SLC11A2: variants seen among roughly 807,000 people sequenced by gnomAD.
SLC11A2 encodes the protein natural resistance-associated macrophage protein 2.
Under a neutral mutation model 68.0 loss-of-function variants are expected in SLC11A2, and 38 were observed. The ratio of observed to expected loss-of-function variants is 0.56; its 90% CI spans 0.43 to 0.73. The LOEUF (loss-of-function observed/expected upper bound fraction) is 0.73. Among genes scored for constraint, SLC11A2 ranks in the 30% least tolerant of loss-of-function variants. The probability of loss-of-function intolerance (pLI) is 0.00; values close to 1 mark genes in which losing one functional copy is unlikely to be tolerated. For missense variants in SLC11A2, 517 were observed against 690.5 expected (o/e 0.75, Z 2.82); for synonymous variants, 242 against 250.6 (o/e 0.97, Z 0.32).
downstream of SLC11A2, chr12:50,980,010 G>A (rs762876367): frequency 4.4e-6 from 2 of 450,086 alleles, no homozygotes; most frequent in South Asian, 3.1e-5. Context: ...CAGATTACTT[G>A]AGCTCATGAG....
At chr12:50,970,253 C>T in the SLC11A2 span, among the ~76,000 whole-genome samples, 1 of 152,048 alleles carries the variant, frequency 6.6e-6, no homozygotes, top group African/African-American at 2.4e-5. Flanking sequence ...TGAAAGGGCT[C>T]CTAGAGTTTT....
In SLC11A2 at chr12:50,992,256, A is replaced by G; in HGVS notation, c.1281T>C (p.Ala427=). The part of the protein sequence containing the change: ...SIAIIPTLLV[A]VFQDVEHLTG... Reference sequence around the variant, plus strand: ...TTAGATGCTCTACATCTTGGAAGACAGCAACAAGCAGAGTGGGGATGATGG... The same window carrying G: ...TTAGATGCTCTACATCTTGGAAGACGGCAACAAGCAGAGTGGGGATGATGG... The change falls in exon 13 of 16, where the codon GCT becomes GCC. Residue 427 remains alanine, a synonymous_variant. Transcript: ENST00000262052. The G allele has an allele frequency of 1.2e-6, 2 of 1,614,132 alleles. No homozygotes were observed. The highest frequency in any genetic ancestry group is 2.2e-5 in the East Asian group (1 of 44,888).
chr12:50,977,114 A>G (rs997233667), downstream of SLC11A2, among the ~76,000 whole-genome samples: 3 of 152,186 alleles, frequency 2.0e-5, no homozygotes, highest in East Asian at 1.9e-4. Flanking sequence ...CAAGCTACCA[A>G]TGACTTTCTT....
chr12:51,012,315 C>T (rs1039947208), intron 1 of SLC11A2, among the ~76,000 whole-genome samples: 5 of 151,442 alleles, frequency 3.3e-5, no homozygotes, highest in African/African-American at 1.2e-4. Context: ...AGATCTATGG[C>T]ATATTCTCCA....
chr12:50,991,522 TCTGA>T (rs1941146821), intron 14 of SLC11A2, 73 bp downstream of exon 14: 1 of 1,118,398 alleles, frequency 8.9e-7, no homozygotes, highest in South Asian at 1.3e-5. Context: ...GTGTCTCACG[TCTGA>T]CTGGCCTACT....
At chr12:50,990,004 A>G (rs706805) in intron 15 of SLC11A2, among the ~76,000 whole-genome samples, 69,006 of 152,072 alleles carry the variant, frequency 0.45, 16,983 homozygotes, top group Non-Finnish European at 0.56. Flanking sequence ...AATGCTAAAG[A>G]AGATTTGGAA....
chr12:50,957,741 C>T, the SLC11A2 span, among the ~76,000 whole-genome samples: 1 of 151,642 alleles, frequency 6.6e-6, no homozygotes, highest in Non-Finnish European at 1.5e-5. Context: ...AAAAATTAGC[C>T]AGGTGTGGTG....
intron 3 of SLC11A2, 151 bp from the exon 4 acceptor site, chr12:51,005,587 C>G: frequency 4.1e-6 from 6 of 1,478,532 alleles, no homozygotes; most frequent in Non-Finnish European, 5.4e-6. Context: ...AGTTTCACCT[C>G]CATCTTACCC....
downstream of SLC11A2, among the ~76,000 whole-genome samples, chr12:50,982,457 C>G (rs1245832802): frequency 6.6e-6 from 1 of 152,062 alleles, no homozygotes; most frequent in Non-Finnish European, 1.5e-5. Context: ...AACTCCGTCT[C>G]TACTAAAAAT....
chr12:51,012,630 G>C (rs921253736), intron 1 of SLC11A2, among the ~76,000 whole-genome samples: 2 of 152,090 alleles, frequency 1.3e-5, no homozygotes, highest in African/African-American at 4.8e-5. Context: ...TGTACTTATA[G>C]AATTACAGAA....
Position 50,994,348 on chromosome 12 carries a change from G to C in SLC11A2, c.1077+196C>G, listed in dbSNP as rs549412334. 1.2e-4 allele frequency among the ~76,000 whole-genome samples: 19 copies of C among 152,184 alleles called. No homozygotes were observed. The East Asian group carries it at 3.5e-3, about 28-fold the overall frequency. ...AGGCGTGAACCACCGCACCCGGCCT[G>C]TATTATATATCTTTTCAACTGATCC... On this transcript the variant is annotated intron_variant, in intron 11 of 15. Coordinates refer to ENST00000262052, the MANE Select transcript of SLC11A2 (RefSeq NM_000617.3).
chr12:51,028,158 G>A (rs1204577571), upstream of SLC11A2: 4 of 1,513,684 alleles, frequency 2.6e-6, no homozygotes, highest in Non-Finnish European at 3.5e-6. Context: ...CAGCTGGGCA[G>A]CTTCCCTGGG....
intron 8 of SLC11A2, among the ~76,000 whole-genome samples, chr12:50,998,755 A>G (rs1227676915): frequency 6.6e-6 from 1 of 152,228 alleles, no homozygotes; most frequent in Middle Eastern, 3.2e-3. Flanking sequence ...CATATAATTC[A>G]TTAACTGTTT....
At chr12:50,981,677 A>C, downstream of SLC11A2, 1 of 1,308,770 alleles carries the variant, frequency 7.6e-7, no homozygotes, top group South Asian at 1.3e-5. Flanking sequence ...CACCTGGCAC[A>C]AAAAGGGCTT....
the SLC11A2 span, among the ~76,000 whole-genome samples, chr12:50,959,705 T>C: frequency 1.3e-5 from 2 of 152,242 alleles, no homozygotes; most frequent in South Asian, 4.2e-4. Context: ...TGGAGTGCAG[T>C]AGCATTATCT....
At chr12:50,956,573 C>T in the SLC11A2 span, among the ~76,000 whole-genome samples, 1 of 152,248 alleles carries the variant, frequency 6.6e-6, no homozygotes, top group Middle Eastern at 3.4e-3. Context: ...CTGTTCAAAT[C>T]ATCTTACAAT....
chr12:50,984,898 A>C (rs757707192), downstream of SLC11A2, among the ~76,000 whole-genome samples: 6 of 152,174 alleles, frequency 3.9e-5, no homozygotes, highest in Non-Finnish European at 8.8e-5. Flanking sequence ...CCCAACATGA[A>C]GGGTATACTA....
At chr12:50,952,556 C>T in the SLC11A2 span, among the ~76,000 whole-genome samples, 1 of 152,172 alleles carries the variant, frequency 6.6e-6, no homozygotes, top group Non-Finnish European at 1.5e-5. Flanking sequence ...CACCGACCCA[C>T]CTCAAGAGCC....
At position 50,993,992 on chromosome 12, in the gene SLC11A2, C is replaced by CAAAAAAAAA. The variant is rs71663850; in HGVS notation, c.1077+543_1077+551dup. 9.7e-3 allele frequency among the ~76,000 whole-genome samples: 470 copies of CAAAAAAAAA among 48,402 alleles called. 26 individuals carry two copies. Among genetic ancestry groups the CAAAAAAAAA allele is most frequent in the African/African-American group, 0.033 (438 of 13,204 alleles). 31.8% of individuals were successfully genotyped at this position (48,402 alleles called of 152,430 possible). On this transcript the variant is annotated intron_variant, in intron 11 of 15. Transcript: ENST00000262052. ...GGGCAACAGAGCAAGACCTTGTCTC[C>CAAAAAAAAA]AAAAAAAAAAAAAAAAAAAAAAAAA...
Sources: allele counts gnomAD v4.1 joint callset (sites outside exome capture counted in the v4.1 genomes callset), GRCh38; gene constraint gnomAD v4.1.1; transcripts MANE v1.5; gene names NCBI Gene and HGNC (gene_info 2026-07-23, HGNC 2026-07-21).